SPIDR: variants seen among roughly 807,000 people sequenced by gnomAD.
SPIDR encodes the protein DNA repair-scaffolding protein.
A neutral mutation model predicts 104.6 loss-of-function variants in SPIDR; 93 were observed. The ratio of observed to expected loss-of-function variants is 0.89; its 90% CI spans 0.75 to 1.06. The LOEUF (loss-of-function observed/expected upper bound fraction) is 1.06, where lower values mean the gene tolerates loss of function less well. SPIDR is among the 50% of genes least tolerant of loss of function. SPIDR has a pLI of 0.00. For missense variants in SPIDR, 1,154 were observed against 1,111.2 expected, an observed-to-expected ratio of 1.04 and a Z score of -0.55; for synonymous variants, 431 against 416.9, an observed-to-expected ratio of 1.03 and a Z score of -0.41.
intron 7 of SPIDR, among the ~76,000 whole-genome samples, chr8:47,435,830 AC>A (rs2068215342): frequency 6.6e-6 from 1 of 152,252 alleles, no homozygotes. Flanking sequence ...CCCATCACTC[AC>A]AATTTCCTAT....
intron 8 of SPIDR, among the ~76,000 whole-genome samples, chr8:47,452,534 C>T (rs2072014450): frequency 6.6e-6 from 1 of 152,146 alleles, no homozygotes; most frequent in Non-Finnish European, 1.5e-5. Context: ...GGGCTTCATC[C>T]CTGGGATGCA....
At chr8:47,698,469 T>TA (rs1474836896) in intron 11 of SPIDR, among the ~76,000 whole-genome samples, 1 of 152,242 alleles carries the variant, frequency 6.6e-6, no homozygotes, top group Non-Finnish European at 1.5e-5. Context: ...TATCTATTTT[T>TA]AAAAATAGTT....
At chr8:47,599,345 G>A (rs563179799) in intron 10 of SPIDR, 149 bp downstream of exon 10, 9 of 1,009,406 alleles carry the variant, frequency 8.9e-6, no homozygotes, top group African/African-American at 6.5e-5. Context: ...CAAAATTTGG[G>A]ATACATGGCA....
intron 6 of SPIDR, among the ~76,000 whole-genome samples, chr8:47,407,166 A>C (rs1385258384): frequency 6.6e-6 from 1 of 152,196 alleles, no homozygotes; most frequent in African/African-American, 2.4e-5. Context: ...ATATGTGTTC[A>C]TTGATAGGTT....
At chr8:47,706,060 C>A (rs1423578227) in intron 14 of SPIDR, among the ~76,000 whole-genome samples, 2 of 152,116 alleles carry the variant, frequency 1.3e-5, no homozygotes, top group African/African-American at 4.8e-5. Context: ...CACCCCTCCA[C>A]CCCCATGTCA....
At chr8:47,706,266 G>A (rs1463870170) in intron 14 of SPIDR, among the ~76,000 whole-genome samples, 8 of 152,104 alleles carry the variant, frequency 5.3e-5, no homozygotes, top group Non-Finnish European at 8.8e-5. Flanking sequence ...GGTGGCAGGC[G>A]CCTGTAGTCC....
chr8:47,341,729 G>A (rs145391619), intron 5 of SPIDR, among the ~76,000 whole-genome samples: 11 of 152,282 alleles, frequency 7.2e-5, no homozygotes, highest in African/African-American at 2.2e-4. Context: ...TGTCGCTCAT[G>A]GTGGAAAAAC....
At chr8:47,419,519 A>G (rs1197231454) in intron 7 of SPIDR, among the ~76,000 whole-genome samples, 3 of 151,642 alleles carry the variant, frequency 2.0e-5, no homozygotes, top group Non-Finnish European at 4.4e-5. Flanking sequence ...TTTCTTCTTT[A>G]TTAGTCTTGC....
chr8:47,609,125 G>A (rs2063325007), intron 10 of SPIDR, among the ~76,000 whole-genome samples: 1 of 152,116 alleles, frequency 6.6e-6, no homozygotes. Flanking sequence ...ATTTTTTGTT[G>A]TTGAATTGTA....
rs574255779 is a variant in SPIDR at position 47,586,440 on chromosome 8, A to G, written c.1098-9371A>G. On this transcript the variant is annotated intron_variant, in intron 8 of 19. Transcript: ENST00000297423. ...GTTGATATTATGTTTTGTTTTAGCC[A>G]TTTTGCCTCACTGTGGTTTTAATGT... Among the ~76,000 whole-genome samples, 13 of 152,240 alleles carry G rather than the reference A, an allele frequency of 8.5e-5. No homozygotes were observed. The South Asian group carries it at 2.7e-3, about 32-fold the overall frequency.
In SPIDR at chr8:47,727,205, G is replaced by A; in HGVS notation, c.2347G>A (p.Val783Met). Reference sequence around the variant, plus strand: ...TTTCCTTCTCTTGGGCCTAGGCACTGTGGTTGGCGTGGACGAGAGCACTGC... The same window carrying A: ...TTTCCTTCTCTTGGGCCTAGGCACTATGGTTGGCGTGGACGAGAGCACTGC... ...VNSICSVQGT[V>M]VGVDESTAFS... Residue 783 changes from valine to methionine, a missense_variant, in exon 17 of 20, where the codon GTG (valine) becomes ATG (methionine). Val to Met is a conservative substitution (Grantham distance 21). Coordinates refer to ENST00000297423, the MANE Select transcript of SPIDR (RefSeq NM_001080394.4). 6.2e-7 allele frequency: 1 copy of A among 1,614,148 alleles called. No homozygotes were observed. Among genetic ancestry groups the A allele is most frequent in the Non-Finnish European group, 8.5e-7 (1 of 1,180,008 alleles).
intron 10 of SPIDR, among the ~76,000 whole-genome samples, chr8:47,616,859 A>AT (rs2064388407): frequency 6.6e-6 from 1 of 152,050 alleles, no homozygotes; most frequent in Non-Finnish European, 1.5e-5. Flanking sequence ...ATCTCCTTAG[A>AT]TTTTCCCTGA....
At chr8:47,313,350 T>A (rs1429485213) in intron 5 of SPIDR, among the ~76,000 whole-genome samples, 1 of 152,034 alleles carries the variant, frequency 6.6e-6, no homozygotes, top group Non-Finnish European at 1.5e-5. Context: ...AATCCAAACT[T>A]ACAAGGGACG....
chr8:47,263,416 G>A (rs1331628399), intron 1 of SPIDR, among the ~76,000 whole-genome samples: 4 of 149,992 alleles, frequency 2.7e-5, no homozygotes, highest in Non-Finnish European at 3.0e-5. Flanking sequence ...ACGCAGTCTC[G>A]CTCTGTCGCC....
intron 6 of SPIDR, among the ~76,000 whole-genome samples, chr8:47,400,682 T>C (rs575263130): frequency 1.7e-4 from 26 of 151,496 alleles, no homozygotes; most frequent in South Asian, 1.5e-3. Flanking sequence ...TCTTTCTTTT[T>C]TTTTTTTTTT....
chr8:47,269,420 G>T (rs965247258), intron 1 of SPIDR, among the ~76,000 whole-genome samples: 9 of 151,760 alleles, frequency 5.9e-5, no homozygotes, highest in Admixed American at 3.9e-4. Flanking sequence ...ACCATGCCTG[G>T]CTAATTTTTG....
chr8:47,359,757 T>C (rs782712610), intron 5 of SPIDR, among the ~76,000 whole-genome samples: 7 of 152,206 alleles, frequency 4.6e-5, no homozygotes, highest in Admixed American at 1.3e-4. Flanking sequence ...CTCAAGAATA[T>C]ATCATAATTA....
intron 6 of SPIDR, among the ~76,000 whole-genome samples, chr8:47,396,981 C>T (rs1188208315): frequency 6.6e-6 from 1 of 151,620 alleles, no homozygotes; most frequent in Non-Finnish European, 1.5e-5. Context: ...TCTGCCAGGG[C>T]AACACTTGCA....
chr8:47,469,914 CATAA>C (rs2075433458), intron 8 of SPIDR, among the ~76,000 whole-genome samples: 1 of 152,066 alleles, frequency 6.6e-6, no homozygotes, highest in African/African-American at 2.4e-5. Flanking sequence ...TTAAGGAAGA[CATAA>C]ATAAATATAA....
Sources: gnomAD v4.1 joint callset for allele counts (sites outside exome capture counted in the v4.1 genomes callset) on GRCh38, gnomAD v4.1.1 for gene constraint, MANE v1.5 for transcripts, NCBI Gene and HGNC (gene_info 2026-07-23, HGNC 2026-07-21) for gene names.